ST8SIA1: variants seen among roughly 807,000 people sequenced by gnomAD.
ST8SIA1 encodes alpha-N-acetylneuraminide alpha-2,8-sialyltransferase.
A neutral mutation model predicts 35.9 loss-of-function variants in ST8SIA1; 16 were observed. The ratio of observed to expected loss-of-function variants is 0.45; its 90% CI spans 0.30 to 0.68. The LOEUF (loss-of-function observed/expected upper bound fraction) is 0.68. Among genes scored for constraint, ST8SIA1 ranks in the 30% least tolerant of loss-of-function variants. The probability of loss-of-function intolerance (pLI) is 0.09; values close to 1 mark genes in which losing one functional copy is unlikely to be tolerated. For missense variants in ST8SIA1, 383 were observed against 453.6 expected (o/e 0.84, Z 1.41); for synonymous variants, 170 against 169.6 (o/e 1.00, Z -0.02).
chr12:22,334,362 G>T lies in ST8SIA1; in HGVS notation c.-130C>A. On this transcript the variant is annotated 5_prime_UTR_variant, in exon 1 of 5. Coordinates refer to ENST00000396037, the MANE Select transcript of ST8SIA1 (RefSeq NM_003034.4). ...TTGGTTCTCTTACTTGCAAACGCAC[G>T]CACGCTTCTTCGGCCCCGTCGGCCC... The T allele has an allele frequency of 1.5e-6, 1 of 678,762 alleles. No individual in the cohort carries two copies. The highest frequency in any genetic ancestry group is 2.5e-6 in the Non-Finnish European group (1 of 406,226). 42.0% of individuals were successfully genotyped at this position (678,762 alleles called of 1,614,324 possible). A position where few individuals can be genotyped will look rare whatever the true frequency, so the allele number is the denominator to read the frequency against.
At chr12:22,254,911 C>G (rs985929686) in intron 3 of ST8SIA1, among the ~76,000 whole-genome samples, 3 of 152,164 alleles carry the variant, frequency 2.0e-5, no homozygotes, top group African/African-American at 7.2e-5. Flanking sequence ...TAAAATGAAT[C>G]CATTAAAGCA....
chr12:22,283,971 G>T (rs772572655), intron 2 of ST8SIA1, among the ~76,000 whole-genome samples: 3 of 152,280 alleles, frequency 2.0e-5, no homozygotes, highest in Middle Eastern at 3.4e-3. Context: ...GAATAAATTT[G>T]AACAGAAAGT....
At chr12:22,216,852 G>GA (rs1266799161) in intron 4 of ST8SIA1, among the ~76,000 whole-genome samples, 2 of 152,166 alleles carry the variant, frequency 1.3e-5, no homozygotes. Context: ...TATACAAAAA[G>GA]CAAAATATGC....
intron 1 of ST8SIA1, among the ~76,000 whole-genome samples, chr12:22,290,567 G>A (rs116778360): frequency 1.1e-3 from 169 of 152,286 alleles, no homozygotes; most frequent in African/African-American, 4.0e-3. Context: ...TGTGTATGCA[G>A]GGAGATGTGA....
intron 2 of ST8SIA1, among the ~76,000 whole-genome samples, chr12:22,267,930 C>T (rs951291767): frequency 6.6e-6 from 1 of 152,128 alleles, no homozygotes; most frequent in Non-Finnish European, 1.5e-5. Flanking sequence ...CCAGGATTGG[C>T]ATGCACATCC....
At chr12:22,262,903 G>A (rs1017743566) in intron 2 of ST8SIA1, among the ~76,000 whole-genome samples, 1 of 152,168 alleles carries the variant, frequency 6.6e-6, no homozygotes, top group African/African-American at 2.4e-5. Context: ...TTGCGGGCAG[G>A]CTGCAATGTC....
chr12:22,243,355 GACT>G (rs1160506578), intron 4 of ST8SIA1, among the ~76,000 whole-genome samples: 1 of 152,106 alleles, frequency 6.6e-6, no homozygotes, highest in Non-Finnish European at 1.5e-5. Flanking sequence ...TTTGAGAGAA[GACT>G]ACGAGATATG....
At chr12:22,234,851 ACAAT>A (rs3063795) in intron 4 of ST8SIA1, among the ~76,000 whole-genome samples, 4,173 of 152,354 alleles carry the variant, frequency 0.027, 92 homozygotes, top group East Asian at 0.11. Flanking sequence ...TGTGCAGCTC[ACAAT>A]CAATAAAATA....
chr12:22,272,622 G>T (rs1019772766), intron 2 of ST8SIA1, among the ~76,000 whole-genome samples: 1 of 152,220 alleles, frequency 6.6e-6, no homozygotes, highest in African/African-American at 2.4e-5. Context: ...CAATTTCAAA[G>T]ATACTGGTAT....
At position 22,334,009 on chromosome 12, in the gene ST8SIA1, G is replaced by A; in HGVS notation, c.224C>T (p.Ala75Val). 1.2e-6 allele frequency: 2 copies of A among 1,613,908 alleles called. No individual in the cohort carries two copies. The highest frequency in any genetic ancestry group is 8.5e-7 in the Non-Finnish European group (1 of 1,179,942). Residue 75 changes from alanine (A) to valine (V), a missense_variant, in exon 1 of 5, where the codon GCC becomes GTC. Transcript: ENST00000396037. ...AGGGCAGGAGTACCTGAACGCTCTG[G>A]CCGCGGTCTGGTTCCTCCTCCACGC... ...GTAWRRNQTA[A>V]RAFRKQMEDC...
At chr12:22,317,974 T>A (rs1355973385) in intron 1 of ST8SIA1, among the ~76,000 whole-genome samples, 1 of 152,238 alleles carries the variant, frequency 6.6e-6, no homozygotes. Context: ...TTGTGCCTGT[T>A]GTCCCGGCAT....
Position 22,334,061 on chromosome 12 carries a change from C to G in ST8SIA1, c.172G>C (p.Val58Leu), listed in dbSNP as rs749094158. ...GTGCCCTGTTGCAGCACCCCCTGCACGATCTCTTTCTCGTTGGGCAGCCGG... is the reference window on the plus strand; with the variant it reads ...GTGCCCTGTTGCAGCACCCCCTGCAGGATCTCTTTCTCGTTGGGCAGCCGG... ...VYRLPNEKEI[V>L]QGVLQQGTAW... Residue 58 changes from valine to leucine, a missense_variant, in exon 1 of 5, where the codon GTG becomes CTG. Coordinates refer to ENST00000396037, the MANE Select transcript of ST8SIA1 (RefSeq NM_003034.4). The G allele has an allele frequency of 6.2e-7, 1 of 1,614,100 alleles. No homozygotes were observed. Among genetic ancestry groups the G allele is most frequent in the South Asian group, 1.1e-5 (1 of 91,076 alleles).
At chr12:22,315,985 AAAATT>A (rs1302314560) in intron 1 of ST8SIA1, among the ~76,000 whole-genome samples, 2 of 152,138 alleles carry the variant, frequency 1.3e-5, no homozygotes, top group African/African-American at 4.8e-5. Context: ...AACTTAAAAT[AAAATT>A]AAATTAAATA....
intron 2 of ST8SIA1, among the ~76,000 whole-genome samples, chr12:22,275,646 AG>A (rs1198082107): frequency 2.0e-5 from 3 of 152,218 alleles, no homozygotes; most frequent in Admixed American, 2.0e-4. Flanking sequence ...CATATCGTGA[AG>A]ACCTTGTGTG....
intron 2 of ST8SIA1, among the ~76,000 whole-genome samples, chr12:22,270,405 T>A (rs1865898604): frequency 6.6e-6 from 1 of 152,240 alleles, no homozygotes; most frequent in African/African-American, 2.4e-5. Context: ...ATAACCAACC[T>A]ACTCTTTGGT....
At chr12:22,266,666 A>T (rs922636167) in intron 2 of ST8SIA1, among the ~76,000 whole-genome samples, 3 of 151,962 alleles carry the variant, frequency 2.0e-5, no homozygotes, top group Non-Finnish European at 4.4e-5. Flanking sequence ...GCATCATGGC[A>T]TGGACGTGTA....
chr12:22,222,625 T>C (rs767113483), intron 4 of ST8SIA1, among the ~76,000 whole-genome samples: 4 of 151,874 alleles, frequency 2.6e-5, no homozygotes, highest in Non-Finnish European at 4.4e-5. Flanking sequence ...TATATATATA[T>C]ATACACATAT....
chr12:22,261,474 A>G (rs557108160), intron 2 of ST8SIA1, among the ~76,000 whole-genome samples: 2 of 152,288 alleles, frequency 1.3e-5, no homozygotes, highest in African/African-American at 4.8e-5. Context: ...ATGAGTTTTA[A>G]TAACATATTT....
intron 2 of ST8SIA1, among the ~76,000 whole-genome samples, chr12:22,263,632 CAAG>C (rs1162554764): frequency 6.6e-6 from 1 of 152,076 alleles, no homozygotes; most frequent in East Asian, 1.9e-4. Context: ...TTGTTGGTGG[CAAG>C]AAGGTTTTGT....
Sources: gnomAD v4.1 joint callset for allele counts (sites outside exome capture counted in the v4.1 genomes callset) on GRCh38, gnomAD v4.1.1 for gene constraint, MANE v1.5 for transcripts, NCBI Gene and HGNC (gene_info 2026-07-23, HGNC 2026-07-21) for gene names.